PTPRD: variants seen among roughly 807,000 people sequenced by gnomAD.
PTPRD encodes receptor-type tyrosine-protein phosphatase delta.
A neutral mutation model predicts 214.5 loss-of-function variants in PTPRD; 34 were observed. That is an observed-to-expected ratio of 0.16 (90% confidence interval 0.12 to 0.21). The LOEUF is 0.21. Ranked by LOEUF, PTPRD falls within the 10% of genes least tolerant of loss-of-function variation. The pLI is 1.00. For missense variants in PTPRD, 2,545 were observed against 2,398.7 expected, an observed-to-expected ratio of 1.06 and a Z score of -1.27; for synonymous variants, 1,128 against 845.7, an observed-to-expected ratio of 1.33 and a Z score of -5.79.
intron 8 of PTPRD, among the ~76,000 whole-genome samples, chr9:9,434,783 G>A (rs1018629725): frequency 6.6e-6 from 1 of 150,546 alleles, no homozygotes; most frequent in South Asian, 2.1e-4. Flanking sequence ...TTTTATTTAG[G>A]TTGCTCTGGT....
intron 35 of PTPRD, among the ~76,000 whole-genome samples, chr9:8,431,229 T>C (rs907270605): frequency 1.3e-5 from 2 of 152,156 alleles, no homozygotes; most frequent in African/African-American, 2.4e-5. Flanking sequence ...AGTCTCTTTA[T>C]GGGGCCTGTA....
At chr9:10,368,188 C>T (rs1328877646) in intron 2 of PTPRD, among the ~76,000 whole-genome samples, 4 of 151,974 alleles carry the variant, frequency 2.6e-5, no homozygotes, top group Non-Finnish European at 5.9e-5. Flanking sequence ...GATGAGTTTT[C>T]CTCTTTATAT....
chr9:10,234,046 A>T (rs1439611042), intron 3 of PTPRD, among the ~76,000 whole-genome samples: 1 of 151,682 alleles, frequency 6.6e-6, no homozygotes, highest in Non-Finnish European at 1.5e-5. Flanking sequence ...TTAGGTCAGG[A>T]ATTCGAGACC....
intron 2 of PTPRD, among the ~76,000 whole-genome samples, chr9:10,401,994 C>G (rs2098276976): frequency 6.6e-6 from 1 of 150,974 alleles, no homozygotes; most frequent in African/African-American, 2.4e-5. Flanking sequence ...AATAAAACAC[C>G]CTATAAGAAA....
At chr9:9,828,076 C>G (rs1186280423) in intron 5 of PTPRD, among the ~76,000 whole-genome samples, 1 of 152,110 alleles carries the variant, frequency 6.6e-6, no homozygotes, top group Non-Finnish European at 1.5e-5. Flanking sequence ...CTAGCTCAAC[C>G]CTTGTGGAAG....
chr9:10,411,545 G>A (rs1234684676), intron 2 of PTPRD, among the ~76,000 whole-genome samples: 1 of 151,752 alleles, frequency 6.6e-6, no homozygotes, highest in East Asian at 2.0e-4. Flanking sequence ...AAACTTGGCA[G>A]ATTCACCATC....
intron 2 of PTPRD, among the ~76,000 whole-genome samples, chr9:10,511,661 G>A (rs1447300653): frequency 2.7e-5 from 4 of 147,018 alleles, no homozygotes; most frequent in Admixed American, 6.9e-5. Flanking sequence ...TGATCCACCC[G>A]CCTAGGCCTC....
chr9:8,353,321 G>A (rs1223641961), intron 39 of PTPRD, among the ~76,000 whole-genome samples: 1 of 152,068 alleles, frequency 6.6e-6, no homozygotes, highest in South Asian at 2.1e-4. Context: ...AGGCCTTTGT[G>A]TTGGTTTTGT....
intron 39 of PTPRD, among the ~76,000 whole-genome samples, chr9:8,374,976 G>C (rs2082784224): frequency 6.6e-6 from 1 of 151,848 alleles, no homozygotes; most frequent in Non-Finnish European, 1.5e-5. Flanking sequence ...GTATGAAAGA[G>C]AGTGATGGTA....
chr9:9,700,317 G>A (rs1430669897), intron 7 of PTPRD, among the ~76,000 whole-genome samples: 1 of 152,020 alleles, frequency 6.6e-6, no homozygotes, highest in African/African-American at 2.4e-5. Flanking sequence ...CATTCTGGCA[G>A]TATTAGAGAA....
intron 8 of PTPRD, among the ~76,000 whole-genome samples, chr9:9,432,816 T>C (rs72702601): frequency 0.063 from 9,605 of 152,302 alleles, 339 homozygotes; most frequent in Middle Eastern, 0.17. Flanking sequence ...TGATTTCTTA[T>C]ATTTCCTGTG....
intron 8 of PTPRD, among the ~76,000 whole-genome samples, chr9:9,516,337 T>C (rs938652506): frequency 1.3e-5 from 2 of 152,000 alleles, no homozygotes; most frequent in Non-Finnish European, 2.9e-5. Flanking sequence ...GAGAAAATTA[T>C]CCATAACTCT....
At chr9:8,759,664 A>C (rs1279471914) in intron 11 of PTPRD, among the ~76,000 whole-genome samples, 1 of 129,988 alleles carries the variant, frequency 7.7e-6, no homozygotes, top group East Asian at 2.2e-4. Context: ...TACTCATTTC[A>C]CTATGTTTTC....
intron 2 of PTPRD, among the ~76,000 whole-genome samples, chr9:10,420,047 C>G (rs1182468269): frequency 6.6e-6 from 1 of 151,388 alleles, no homozygotes; most frequent in East Asian, 2.0e-4. Context: ...TGTTTAATTT[C>G]TATTGTATCC....
intron 9 of PTPRD, among the ~76,000 whole-genome samples, chr9:9,352,035 T>C (rs1324238388): frequency 1.5e-4 from 23 of 151,906 alleles, no homozygotes; most frequent in Admixed American, 1.5e-3. Context: ...CCCAAACTCT[T>C]AGCCCCAAGG....
chr9:9,050,287 G>C (rs775272616), intron 10 of PTPRD, among the ~76,000 whole-genome samples: 9 of 152,174 alleles, frequency 5.9e-5, no homozygotes, highest in Non-Finnish European at 1.0e-4. Context: ...ACACTGAAAA[G>C]TATGCAATGC....
At chr9:9,408,383 T>C (rs1587554020) in intron 8 of PTPRD, among the ~76,000 whole-genome samples, 1 of 151,792 alleles carries the variant, frequency 6.6e-6, no homozygotes. Context: ...TCCCAACCCA[T>C]ACAGCTCAAA....
chr9:8,351,971 G>C (rs1478213160), intron 39 of PTPRD, among the ~76,000 whole-genome samples: 1 of 151,416 alleles, frequency 6.6e-6, no homozygotes, highest in Non-Finnish European at 1.5e-5. Flanking sequence ...GAGCTACCAG[G>C]TTATATCCCT....
chr9:10,007,336 T>G (rs979731634), intron 4 of PTPRD, among the ~76,000 whole-genome samples: 1 of 152,058 alleles, frequency 6.6e-6, no homozygotes, highest in Admixed American at 6.6e-5. Context: ...AATGGCAATT[T>G]TATTTAACTC....
Sources: allele counts gnomAD v4.1 joint callset (sites outside exome capture counted in the v4.1 genomes callset), GRCh38; gene constraint gnomAD v4.1.1; transcripts MANE v1.5; gene names NCBI Gene and HGNC (gene_info 2026-07-23, HGNC 2026-07-21).